The following COL26A1 variants were observed in gnomAD, a reference collection of about 807,000 sequenced individuals.
COL26A1 encodes collagen alpha-1(XXVI) chain.
A neutral mutation model predicts 59.3 loss-of-function variants in COL26A1; 41 were observed. That is an observed-to-expected ratio of 0.69 (90% CI 0.54 to 0.90). The LOEUF (loss-of-function observed/expected upper bound fraction) is 0.90. Among genes scored for constraint, COL26A1 ranks in the 40% least tolerant of loss-of-function variants. The pLI, the probability that COL26A1 is intolerant of heterozygous loss-of-function variation, is 0.00. For missense variants in COL26A1, 612 were observed against 602.3 expected, an observed-to-expected ratio of 1.02 and a Z score of -0.17; for synonymous variants, 266 against 256.0, an observed-to-expected ratio of 1.04 and a Z score of -0.37.
intron 3 of COL26A1, among the ~76,000 whole-genome samples, chr7:101,509,668 G>A (rs1176543891): frequency 2.0e-5 from 3 of 152,142 alleles, no homozygotes; most frequent in Non-Finnish European, 2.9e-5. Context: ...CGGCCAACAC[G>A]GGTGAGTTGA....
intron 1 of COL26A1, among the ~76,000 whole-genome samples, chr7:101,410,930 T>G (rs1024715650): frequency 2.6e-4 from 40 of 152,212 alleles, no homozygotes; most frequent in African/African-American, 9.4e-4. Flanking sequence ...GGGCAAACCT[T>G]AGTTCTAACA....
At chr7:101,479,773 G>C (rs1794118561) in intron 3 of COL26A1, among the ~76,000 whole-genome samples, 3 of 151,848 alleles carry the variant, frequency 2.0e-5, no homozygotes, top group Non-Finnish European at 4.4e-5. Flanking sequence ...TTATTTGTTT[G>C]TTTGCATTTT....
chr7:101,540,405 G>GCA (rs1217600792), intron 5 of COL26A1, among the ~76,000 whole-genome samples: 2 of 151,612 alleles, frequency 1.3e-5, no homozygotes, highest in Non-Finnish European at 2.9e-5. Context: ...AGGCGTGGAG[G>GCA]CAGGTGCCTG....
intron 3 of COL26A1, among the ~76,000 whole-genome samples, chr7:101,460,096 T>C (rs1465957409): frequency 6.6e-6 from 1 of 152,158 alleles, no homozygotes; most frequent in Non-Finnish European, 1.5e-5. Flanking sequence ...ATAGCTGTCA[T>C]TCAAACTAGG....
intron 1 of COL26A1, among the ~76,000 whole-genome samples, chr7:101,417,912 A>G (rs1448120045): frequency 2.0e-5 from 3 of 151,760 alleles, no homozygotes; most frequent in Non-Finnish European, 4.4e-5. Context: ...TTTAGTAGAG[A>G]CAGGGTTTCT....
chr7:101,547,591 A>G (rs940357456), intron 8 of COL26A1, among the ~76,000 whole-genome samples: 2 of 152,218 alleles, frequency 1.3e-5, no homozygotes, highest in Non-Finnish European at 2.9e-5. Flanking sequence ...AAGGGGTTCA[A>G]AGGGGCTGGG....
rs544519123 is a variant in COL26A1 at position 101,436,354 on chromosome 7, CTCGTT to C, written c.282-11327_282-11323del. 2.0e-5 allele frequency among the ~76,000 whole-genome samples: 3 copies of C among 152,302 alleles called. No homozygotes were observed. The East Asian group carries it at 5.8e-4, about 29-fold the overall frequency. On this transcript the variant is annotated intron_variant, in intron 2 of 12. Coordinates refer to ENST00000313669, the MANE Select transcript of COL26A1 (RefSeq NM_001278563.3). ...TGCCTCCCGCTCTGAAACCTCCACT[CTCGTT>C]TCCTGTTGAGTCTCCAGCCTGACTC...
chr7:101,367,688 AG>A (rs1419886518), intron 1 of COL26A1, among the ~76,000 whole-genome samples: 2 of 94,224 alleles, frequency 2.1e-5, no homozygotes. Flanking sequence ...AAAAAAAAAA[AG>A]AAGAAGAGAA....
chr7:101,532,655 C>T (rs939908263), intron 3 of COL26A1, among the ~76,000 whole-genome samples: 2 of 152,146 alleles, frequency 1.3e-5, no homozygotes, highest in African/African-American at 4.8e-5. Flanking sequence ...TACCCTGTGT[C>T]TATTAGCCCA....
At chr7:101,378,895 A>G (rs918793332) in intron 1 of COL26A1, among the ~76,000 whole-genome samples, 3 of 151,878 alleles carry the variant, frequency 2.0e-5, no homozygotes, top group African/African-American at 7.3e-5. Context: ...TTGTCCCTGG[A>G]TCAGGGTTTG....
intron 10 of COL26A1, among the ~76,000 whole-genome samples, chr7:101,552,092 C>A (rs1795874844): frequency 6.6e-6 from 1 of 152,214 alleles, no homozygotes; most frequent in Non-Finnish European, 1.5e-5. Flanking sequence ...TGCCTCCTCC[C>A]GTGCTTGTCT....
At chr7:101,370,364 GTTGT>G (rs1024263717) in intron 1 of COL26A1, among the ~76,000 whole-genome samples, 2 of 151,756 alleles carry the variant, frequency 1.3e-5, no homozygotes, top group Middle Eastern at 3.4e-3. Context: ...TTTTGTTGTT[GTTGT>G]TTGTTTTGTT....
intron 1 of COL26A1, among the ~76,000 whole-genome samples, chr7:101,407,207 T>C (rs973790242): frequency 1.3e-5 from 2 of 152,180 alleles, no homozygotes; most frequent in Non-Finnish European, 2.9e-5. Context: ...AGCAGCTTAA[T>C]GCTCTGACCT....
At chr7:101,511,344 C>T (rs1794921294) in intron 3 of COL26A1, among the ~76,000 whole-genome samples, 1 of 152,206 alleles carries the variant, frequency 6.6e-6, no homozygotes, top group Non-Finnish European at 1.5e-5. Context: ...AAGCATAACC[C>T]GCTGGACTCG....
rs753546627 is a variant in COL26A1, at chr7:101,551,096, G to T, written c.994-12G>T. ...CCGGCAGGCCTCACACGCTTCCTTT[G>T]GTTTTCTGCAGGGCCTGGCTGGAGA... On this transcript the variant is annotated splice_polypyrimidine_tract_variant and intron_variant, in intron 9 of 12. Coordinates refer to ENST00000313669, the MANE Select transcript of COL26A1 (RefSeq NM_001278563.3). The T allele has an allele frequency of 1.3e-6, 2 of 1,555,216 alleles. No individual in the cohort carries two copies. Among genetic ancestry groups the T allele is most frequent in the Non-Finnish European group, 1.7e-6 (2 of 1,149,090 alleles).
At chr7:101,421,285 C>G (rs914812997) in intron 2 of COL26A1, among the ~76,000 whole-genome samples, 1 of 152,150 alleles carries the variant, frequency 6.6e-6, no homozygotes, top group African/African-American at 2.4e-5. Context: ...CTCCTTCCTC[C>G]GGGGAAGTCA....
Position 101,487,271 on chromosome 7 carries a change from C to T in COL26A1, c.385+39484C>T, listed in dbSNP as rs557938052. Among the ~76,000 whole-genome samples, 406 of 152,290 alleles carry T rather than the reference C, an allele frequency of 2.7e-3. 1 individual carries two copies. The highest frequency in any genetic ancestry group is 0.01 in the Middle Eastern group (3 of 294). On this transcript the variant is annotated intron_variant, in intron 3 of 12. Transcript: ENST00000313669. ...AGGGTGTTGTGAGCCAGAGACTGCC[C>T]TTGGGGCTAACCAGGCCGGGACTAA... is the stretch of plus-strand genomic sequence containing the variant.
Position 101,557,437 on chromosome 7 carries a change from G to C in COL26A1, c.1233G>C (p.Lys411Asn). ...CCCTGAGAGCCAACCTCAAGATGAA[G>C]AGGGGTGGCGCCCAACCCGATGGGG... ...DAALRANLKM[K>N]RGGAQPDGVL... The change falls in exon 13 of 13, where the codon AAG (lysine) becomes AAC (asparagine). Residue 411 changes from lysine (K) to asparagine (N), a missense_variant. Lys to Asn is a moderately conservative substitution (Grantham distance 94). Coordinates refer to ENST00000313669, the MANE Select transcript of COL26A1 (RefSeq NM_001278563.3). The C allele has an allele frequency of 6.2e-7, 1 of 1,613,796 alleles. No individual in the cohort carries two copies. The highest frequency in any genetic ancestry group is 1.1e-5 in the South Asian group (1 of 91,074).
chr7:101,453,222 C>T (rs1793386790), intron 3 of COL26A1, among the ~76,000 whole-genome samples: 1 of 152,144 alleles, frequency 6.6e-6, no homozygotes, highest in African/African-American at 2.4e-5. Context: ...GAAAAACTAG[C>T]CGGGCGTGGT....
Sources: gnomAD v4.1 joint callset for allele counts (sites outside exome capture counted in the v4.1 genomes callset) on GRCh38, gnomAD v4.1.1 for gene constraint, MANE v1.5 for transcripts, NCBI Gene and HGNC (gene_info 2026-07-23, HGNC 2026-07-21) for gene names.